Variants in ZC3H12B observed in about 807,000 individuals in gnomAD.
ZC3H12B encodes probable ribonuclease ZC3H12B.
ZC3H12B carries 7 observed loss-of-function variants against 43.9 expected under a neutral mutation model. That is an observed-to-expected ratio of 0.16 (90% CI 0.09 to 0.30). The LOEUF (loss-of-function observed/expected upper bound fraction) is 0.30, where lower values mean the gene tolerates loss of function less well. Ranked by LOEUF, ZC3H12B falls within the 10% of genes least tolerant of loss-of-function variation. The pLI is 1.00. For synonymous variants in ZC3H12B, 222 were observed against 241.7 expected (o/e 0.92, Z 0.76); for missense variants, 475 against 670.2 (o/e 0.71, Z 3.22).
intron 3 of ZC3H12B, among the ~76,000 whole-genome samples, chrX:65,447,305 G>A (rs2067390921): frequency 9.0e-6 from 1 of 110,921 alleles, no homozygotes; most frequent in African/African-American, 3.3e-5. Context: ...CAAGTCTGTT[G>A]TTTGTCTTTG....
At chrX:65,356,595 A>T in the ZC3H12B span, among the ~76,000 whole-genome samples, 3 of 112,298 alleles carry the variant, frequency 2.7e-5, no homozygotes, top group Non-Finnish European at 5.6e-5. Context: ...AATAATTTAA[A>T]TGGTATTTAT....
At chrX:65,215,426 G>T in the ZC3H12B span, among the ~76,000 whole-genome samples, 3 of 111,152 alleles carry the variant, frequency 2.7e-5, no homozygotes, top group Admixed American at 2.9e-4. Context: ...GCTTTACCTT[G>T]CACTTTAATC....
At chrX:65,502,301 C>T (rs757455963) in exon 5 of ZC3H12B, 1 of 1,211,337 alleles carries the variant, frequency 8.3e-7, no homozygotes, top group Non-Finnish European at 1.1e-6. Context: ...TGAGCAATAC[C>T]CAAAGTTTGA....
chrX:65,486,861 A>T (rs766931003), upstream of ZC3H12B, among the ~76,000 whole-genome samples: 2 of 112,570 alleles, frequency 1.8e-5, no homozygotes, highest in African/African-American at 6.5e-5. Flanking sequence ...TATCTTTTAC[A>T]GGTACCTCCC....
chrX:65,468,552 C>T (rs1443620343), intron 3 of ZC3H12B, among the ~76,000 whole-genome samples: 35 of 102,609 alleles, frequency 3.4e-4, no homozygotes, highest in Non-Finnish European at 6.1e-4. Flanking sequence ...GGCACCATCT[C>T]GGCTCACTGC....
chrX:65,127,715 G>A, the ZC3H12B span, among the ~76,000 whole-genome samples: 1 of 110,799 alleles, frequency 9.0e-6, no homozygotes, highest in Non-Finnish European at 1.9e-5. Flanking sequence ...TGCGGAGGAT[G>A]GGGATATGGT....
intron 3 of ZC3H12B, 133 bp downstream of exon 8, chrX:65,499,366 G>A (rs2068334592): frequency 2.0e-6 from 1 of 498,548 alleles, no homozygotes; most frequent in Admixed American, 3.9e-5. Flanking sequence ...GATGAATAAG[G>A]AAAAGGACTC....
At chrX:65,037,713 A>G in the ZC3H12B span, among the ~76,000 whole-genome samples, 5 of 111,211 alleles carry the variant, frequency 4.5e-5, no homozygotes, top group Non-Finnish European at 9.5e-5. Context: ...ATAGTACATT[A>G]GATTATTAAT....
the ZC3H12B span, among the ~76,000 whole-genome samples, chrX:65,314,939 G>T: frequency 9.0e-6 from 1 of 110,972 alleles, no homozygotes; most frequent in Admixed American, 9.6e-5. Flanking sequence ...TAAATTAACT[G>T]TAAGGAGTTA....
At chrX:65,219,020 A>G in the ZC3H12B span, among the ~76,000 whole-genome samples, 39 of 112,069 alleles carry the variant, frequency 3.5e-4, no homozygotes, top group East Asian at 0.01. Context: ...GCTTTCCAGT[A>G]GCAGCCTGGA....
the ZC3H12B span, among the ~76,000 whole-genome samples, chrX:65,358,814 G>A: frequency 9.0e-6 from 1 of 111,404 alleles, no homozygotes; most frequent in African/African-American, 3.3e-5. Context: ...GCTAGCAGAA[G>A]GCAAGCTTTT....
chrX:65,452,628 G>A (rs977991571), intron 3 of ZC3H12B, among the ~76,000 whole-genome samples: 1 of 111,461 alleles, frequency 9.0e-6, no homozygotes, highest in Non-Finnish European at 1.9e-5. Context: ...ATCAACTGAG[G>A]TCAGGAATTC....
At chrX:65,220,305 A>T in the ZC3H12B span, among the ~76,000 whole-genome samples, 6 of 111,852 alleles carry the variant, frequency 5.4e-5, no homozygotes. Flanking sequence ...AAAAAACCCA[A>T]GGTGCTGAGA....
intron 3 of ZC3H12B, among the ~76,000 whole-genome samples, chrX:65,466,524 T>C (rs1166739121): frequency 9.1e-6 from 1 of 110,257 alleles, no homozygotes; most frequent in Non-Finnish European, 1.9e-5. Flanking sequence ...AATACTCAAA[T>C]GAACATTGGA....
the ZC3H12B span, among the ~76,000 whole-genome samples, chrX:65,244,445 T>A: frequency 9.1e-6 from 1 of 109,668 alleles, no homozygotes; most frequent in East Asian, 2.9e-4. Flanking sequence ...CCACAATACT[T>A]AATTCATTAA....
the ZC3H12B span, among the ~76,000 whole-genome samples, chrX:65,360,638 C>T: frequency 2.7e-5 from 3 of 112,377 alleles, no homozygotes; most frequent in African/African-American, 9.7e-5. Context: ...AACAGTTTGG[C>T]AGCTTCTTAA....
the ZC3H12B span, among the ~76,000 whole-genome samples, chrX:65,288,630 C>T: frequency 1.8e-5 from 2 of 111,896 alleles, no homozygotes; most frequent in African/African-American, 6.5e-5. Flanking sequence ...AAATCCACAG[C>T]TAATGTGATA....
chrX:65,330,664 A>T, the ZC3H12B span: 151 of 117,835 alleles, frequency 1.3e-3, no homozygotes, highest in Middle Eastern at 4.3e-3. Flanking sequence ...TGAGATAATC[A>T]TGTGGTTTTT....
exon 5 of ZC3H12B, chrX:65,504,755 G>C (rs2068409024): frequency 8.9e-6 from 1 of 112,799 alleles, no homozygotes; most frequent in Admixed American, 9.4e-5. Context: ...ATGTAATGGA[G>C]GACAGTGCAC....
Sources: gnomAD v4.1 joint callset for allele counts (sites outside exome capture counted in the v4.1 genomes callset) on GRCh38, gnomAD v4.1.1 for gene constraint, MANE v1.5 for transcripts, NCBI Gene and HGNC (gene_info 2026-07-23, HGNC 2026-07-21) for gene names.